The following PAK5 variants were observed in gnomAD, a reference collection of about 807,000 sequenced individuals.
The protein encoded by PAK5 is p21 (RAC1) activated kinase 5, also known as serine/threonine-protein kinase PAK 5.
In PAK5, 16 loss-of-function variants were observed where a neutral mutation model predicts 65.9. The ratio of observed to expected loss-of-function variants is 0.24; its 90% CI spans 0.16 to 0.37. The LOEUF (loss-of-function observed/expected upper bound fraction) is 0.37. Among genes scored for constraint, PAK5 ranks in the 10% least tolerant of loss-of-function variants. The pLI, the probability that PAK5 is intolerant of heterozygous loss-of-function variation, is 1.00. For missense variants in PAK5, 785 were observed against 903.9 expected, an observed-to-expected ratio of 0.87 and a Z score of 1.69; for synonymous variants, 371 against 354.9, an observed-to-expected ratio of 1.05 and a Z score of -0.51.
At chr20:9,600,852 G>C (rs942302070) in intron 3 of PAK5, among the ~76,000 whole-genome samples, 2 of 152,178 alleles carry the variant, frequency 1.3e-5, no homozygotes, top group Non-Finnish European at 2.9e-5. Flanking sequence ...AAAGGAGAAC[G>C]GTTAGGGCCC....
At position 9,745,932 on chromosome 20, in the gene PAK5, C is replaced by A. The variant is rs560509287; in HGVS notation, c.-161-34497G>T. ...TGGAATATATATTGTTTTCTCAGTA[C>A]TTGTGGCCTCAGCTTTTTCTCCCCT... On this transcript the variant is annotated intron_variant, in intron 1 of 9. Transcript: ENST00000353224. Among the ~76,000 whole-genome samples, 15 of 152,108 alleles carry A rather than the reference C, an allele frequency of 9.9e-5. No individual in the cohort carries two copies. The South Asian group carries it at 3.1e-3, about 32-fold the overall frequency.
At chr20:9,825,948 C>T (rs1014279471) in intron 1 of PAK5, among the ~76,000 whole-genome samples, 1 of 152,158 alleles carries the variant, frequency 6.6e-6, no homozygotes, top group Non-Finnish European at 1.5e-5. Context: ...AAAGGTTATA[C>T]ATTCAAGACT....
intron 3 of PAK5, among the ~76,000 whole-genome samples, chr20:9,633,153 G>A (rs1293309414): frequency 1.3e-5 from 2 of 152,084 alleles, no homozygotes; most frequent in African/African-American, 2.4e-5. Context: ...AGAGATGCAG[G>A]CAGTCTGTCA....
chr20:9,617,699 G>A (rs2046685838), intron 3 of PAK5, among the ~76,000 whole-genome samples: 1 of 151,840 alleles, frequency 6.6e-6, no homozygotes, highest in South Asian at 2.1e-4. Flanking sequence ...GGGACTACAG[G>A]CGCCCACCAC....
rs1603234076 is a variant in PAK5, at chr20:9,589,104, C to T, written c.205-8174G>A. 2.6e-5 allele frequency among the ~76,000 whole-genome samples: 4 copies of T among 152,310 alleles called. 1 individual carries two copies. In the East Asian group the frequency reaches 7.7e-4, roughly 29 times the overall value. On this transcript the variant is annotated intron_variant, in intron 3 of 9. Transcript: ENST00000353224. ...CACATCTCTTTTTCAAAAGCAGTAT[C>T]TTCTGTGTGCCTCAAACGTGTTTCA...
At chr20:9,717,048 G>A (rs565005606) in intron 1 of PAK5, among the ~76,000 whole-genome samples, 40 of 150,078 alleles carry the variant, frequency 2.7e-4, no homozygotes, top group Non-Finnish European at 4.1e-4. Context: ...TCATGCCACC[G>A]TATTCCAGCC....
chr20:9,755,394 TAG>T (rs1195402331), intron 1 of PAK5, among the ~76,000 whole-genome samples: 1 of 152,200 alleles, frequency 6.6e-6, no homozygotes, highest in African/African-American at 2.4e-5. Flanking sequence ...ACTTAATTAA[TAG>T]AGAGATCACA....
chr20:9,743,617 G>A (rs1251520461), intron 1 of PAK5, among the ~76,000 whole-genome samples: 1 of 152,158 alleles, frequency 6.6e-6, no homozygotes, highest in Non-Finnish European at 1.5e-5. Flanking sequence ...TTGGAATACT[G>A]AGATTGTGCT....
intron 1 of PAK5, among the ~76,000 whole-genome samples, chr20:9,768,102 T>C (rs1454935258): frequency 6.6e-6 from 1 of 152,152 alleles, no homozygotes; most frequent in Non-Finnish European, 1.5e-5. Context: ...ACAACTTTTA[T>C]TTTTTTAATT....
intron 1 of PAK5, among the ~76,000 whole-genome samples, chr20:9,773,641 T>C (rs1055013693): frequency 1.3e-5 from 2 of 152,012 alleles, no homozygotes; most frequent in Admixed American, 6.6e-5. Context: ...ACAGGACAAG[T>C]GGGGGCAGAG....
chr20:9,582,671 C>A (rs2045999858), intron 3 of PAK5, among the ~76,000 whole-genome samples: 1 of 152,002 alleles, frequency 6.6e-6, no homozygotes, highest in Admixed American at 6.6e-5. Context: ...TAAGCTTTAT[C>A]TTCTTGGGTG....
chr20:9,689,449 C>G (rs2047762886), intron 2 of PAK5, among the ~76,000 whole-genome samples: 2 of 152,168 alleles, frequency 1.3e-5, no homozygotes, highest in Non-Finnish European at 2.9e-5. Flanking sequence ...CTCCTTCACC[C>G]CTCTTCTTCC....
intron 2 of PAK5, among the ~76,000 whole-genome samples, chr20:9,654,779 C>T (rs1004067701): frequency 1.3e-5 from 2 of 152,126 alleles, no homozygotes; most frequent in Non-Finnish European, 2.9e-5. Context: ...TAGTCACTCC[C>T]ATTACCTTAA....
intron 1 of PAK5, among the ~76,000 whole-genome samples, chr20:9,807,514 C>T (rs2049247126): frequency 6.6e-6 from 1 of 152,030 alleles, no homozygotes; most frequent in Non-Finnish European, 1.5e-5. Context: ...TACATACATA[C>T]TCTAGAGAAA....
chr20:9,630,332 C>T (rs533961831), intron 3 of PAK5, among the ~76,000 whole-genome samples: 5 of 152,238 alleles, frequency 3.3e-5, no homozygotes, highest in East Asian at 1.9e-4. Context: ...TGCAGTTACA[C>T]GAAGGGGTCT....
chr20:9,696,608 A>T lies in PAK5; in HGVS notation c.-12+14678T>A, dbSNP rs113517632. On this transcript the variant is annotated intron_variant, in intron 2 of 9. Coordinates refer to ENST00000353224, the MANE Select transcript of PAK5 (RefSeq NM_177990.4). ...GAAAGTTTCTTTTTTCTGTTTCCTG[A>T]TGATTCTCAATTGCCACAGGCATCT... 8.1e-4 allele frequency among the ~76,000 whole-genome samples: 123 copies of T among 152,132 alleles called. 1 individual carries two copies. Among genetic ancestry groups the T allele is most frequent in the African/African-American group, 2.9e-3 (119 of 41,536 alleles).
intron 2 of PAK5, among the ~76,000 whole-genome samples, chr20:9,666,237 T>C (rs2047415559): frequency 6.6e-6 from 1 of 152,100 alleles, no homozygotes; most frequent in Non-Finnish European, 1.5e-5. Flanking sequence ...TTGAGTCATA[T>C]AATTGAAATT....
chr20:9,635,315 T>A (rs1002070764), intron 3 of PAK5, among the ~76,000 whole-genome samples: 5 of 152,174 alleles, frequency 3.3e-5, no homozygotes, highest in Non-Finnish European at 7.3e-5. Context: ...CTTAAATAAA[T>A]CAATTCATTT....
chr20:9,772,517 G>C lies in PAK5; in HGVS notation c.-161-61082C>G, dbSNP rs183761418. ...GAAGCTCATGTCACCGGCTCTAAAC[G>C]CCCCAGTCTCCTTGTGAAGATAATC... On this transcript the variant is annotated intron_variant, in intron 1 of 9. Coordinates refer to ENST00000353224, the MANE Select transcript of PAK5 (RefSeq NM_177990.4). Among the ~76,000 whole-genome samples the C allele has an allele frequency of 2.0e-5, 3 of 152,092 alleles. No homozygotes were observed. In the East Asian group the frequency reaches 5.8e-4, roughly 29 times the overall value.
Sources: gnomAD v4.1 joint callset for allele counts (sites outside exome capture counted in the v4.1 genomes callset) on GRCh38, gnomAD v4.1.1 for gene constraint, MANE v1.5 for transcripts, NCBI Gene and HGNC (gene_info 2026-07-23, HGNC 2026-07-21) for gene names.